Variants in DOCK6 observed in about 807,000 individuals in gnomAD.
The protein encoded by DOCK6 is dedicator of cytokinesis protein 6.
Under a neutral mutation model 230.3 loss-of-function variants are expected in DOCK6, and 167 were observed. The ratio of observed to expected loss-of-function variants is 0.73; its 90% CI spans 0.64 to 0.82. The LOEUF is 0.82. Ranked by LOEUF, DOCK6 falls within the 40% of genes least tolerant of loss-of-function variation. DOCK6 has a pLI of 0.00. For synonymous variants in DOCK6, 1,148 were observed against 1,185.0 expected, an observed-to-expected ratio of 0.97 and a Z score of 0.64; for missense variants, 2,598 against 2,825.8, an observed-to-expected ratio of 0.92 and a Z score of 1.83.
chr19:11,201,764 C>G lies in DOCK6; in HGVS notation c.5688+125G>C, dbSNP rs1600840173. 2 of 904,726 alleles carry G rather than the reference C, an allele frequency of 2.2e-6. No homozygotes were observed. The highest frequency in any genetic ancestry group is 5.3e-5 in the East Asian group (2 of 37,746). 56.0% of individuals were successfully genotyped at this position (904,726 alleles called of 1,614,324 possible). The stretch of plus-strand genomic sequence containing the variant: ...CTGGTCTAGGGTCCCTGTGCCACCC[C>G]TCTCTGGGTCTGAGGTCCGTGAACC... On this transcript the variant is annotated intron_variant, in intron 44 of 47. Coordinates refer to ENST00000294618, the MANE Select transcript of DOCK6 (RefSeq NM_020812.4). The surrounding 1 kb of genome is among the most constrained non-coding windows in gnomAD (Gnocchi z 4.3).
At chr19:11,199,586 C>T in intron 47 of DOCK6, 47 bp from the exon 48 acceptor site, 1 of 1,537,382 alleles carries the variant, frequency 6.5e-7, no homozygotes, top group Non-Finnish European at 8.8e-7. Flanking sequence ...GGGCCCCCAA[C>T]TCCATAGACC....
At chr19:11,255,307 CT>C (rs34628990) in intron 1 of DOCK6, among the ~76,000 whole-genome samples, 69,971 of 135,884 alleles carry the variant, frequency 0.51, 20,099 homozygotes, top group Middle Eastern at 0.67. Context: ...TCCCGGCCTA[CT>C]TTTTTTTTTT....
intron 1 of DOCK6, among the ~76,000 whole-genome samples, chr19:11,259,478 G>A (rs1165829281): frequency 6.6e-6 from 1 of 151,404 alleles, no homozygotes; most frequent in Non-Finnish European, 1.5e-5. Context: ...AAATTTCAGT[G>A]GTAACTTTGG....
At position 11,215,402 on chromosome 19, in the gene DOCK6, G is replaced by T; in HGVS notation, c.4091C>A (p.Ser1364Ter). 6.2e-7 allele frequency: 1 copy of T among 1,613,558 alleles called. No homozygotes were observed. The highest frequency in any genetic ancestry group is 8.5e-7 in the Non-Finnish European group (1 of 1,179,766). Reference protein sequence around the residue: ...RKSVTHWKQTSDRVDKTKDEM... With the variant: ...RKSVTHWKQT ...CCACACCTACTTGTCCACGCGGTCT[G>T]AGGTTTGCTTCCAGTGTGTGACGCT... The change falls in exon 32 of 48, where the codon TCA becomes TAA. Residue 1364 changes from serine (S) to a stop codon, truncating the protein, a stop_gained. Transcript: ENST00000294618. LOFTEE classifies it high-confidence loss of function.
At position 11,222,875 on chromosome 19, in the gene DOCK6, G is replaced by A. The variant is rs750251910; in HGVS notation, c.3100C>T (p.Pro1034Ser). ...VATRLQSSPN[P>S]AALLTLRMEF... ...ATGCGCAGGGTCAGCAGGGCTGCTGGATTAGGGGACGACTGGAGCCGCGTG... is the reference window on the plus strand; with the variant it reads ...ATGCGCAGGGTCAGCAGGGCTGCTGAATTAGGGGACGACTGGAGCCGCGTG... Residue 1034 changes from proline to serine, a missense_variant, in exon 26 of 48, where the codon CCA becomes TCA. Pro to Ser is a moderately conservative substitution (Grantham distance 74). Transcript: ENST00000294618. This position sits in a 1 kb window ranked among gnomAD's most constrained non-coding sequence, Gnocchi z 4.0. The A allele has an allele frequency of 7.5e-6, 12 of 1,607,652 alleles. No individual in the cohort carries two copies. Among genetic ancestry groups the A allele is most frequent in the Non-Finnish European group, 1.0e-5 (12 of 1,177,320 alleles).
At chr19:11,240,650 G>A (rs944930620) in intron 14 of DOCK6, among the ~76,000 whole-genome samples, 2 of 151,006 alleles carry the variant, frequency 1.3e-5, no homozygotes, top group African/African-American at 4.9e-5. Flanking sequence ...TGTGATCTTG[G>A]CTCACTGCAA....
At position 11,243,138 on chromosome 19, in the gene DOCK6, G is replaced by C; in HGVS notation, c.1401C>G (p.Leu467=). The C allele has an allele frequency of 6.2e-7, 1 of 1,613,942 alleles. No homozygotes were observed. The highest frequency in any genetic ancestry group is 8.5e-7 in the Non-Finnish European group (1 of 1,179,840). The change falls in exon 13 of 48, where the codon CTC becomes CTG. Residue 467 remains leucine (L), a synonymous_variant. Transcript: ENST00000294618. This position sits in a 1 kb window ranked among gnomAD's most constrained non-coding sequence, Gnocchi z 6.3. ...GGAACTTGAAGAGGTCCTCGTCACT[G>C]AGTCGCTCAGCCTCCTACATGGGAC... ...TNFFKQEAER[L]SDEDLFKFLA...
intron 37 of DOCK6, 48 bp downstream of exon 37, chr19:11,211,728 C>G: frequency 7.0e-7 from 1 of 1,421,872 alleles, no homozygotes. Context: ...TCTCCCTGCA[C>G]CTGTTGGGGC....
At chr19:11,240,370 C>T (rs2079924205) in intron 14 of DOCK6, 1 of 1,406,396 alleles carries the variant, frequency 7.1e-7, no homozygotes, top group Admixed American at 2.9e-5. Context: ...ACCTTGAGTC[C>T]CAAAGACCTC....
At chr19:11,204,435 C>G in intron 39 of DOCK6, 104 bp from the exon 40 acceptor site, 2 of 1,473,658 alleles carry the variant, frequency 1.4e-6, no homozygotes, top group Non-Finnish European at 1.8e-6. Context: ...TACCCACCCT[C>G]CATCACCTCC....
rs758594828 is a variant in DOCK6 at position 11,202,377 on chromosome 19, A to G, written c.5451+17T>C. The G allele has an allele frequency of 6.2e-7, 1 of 1,611,932 alleles. No homozygotes were observed. Among genetic ancestry groups the G allele is most frequent in the Non-Finnish European group, 8.5e-7 (1 of 1,178,992 alleles). ...TCTGTGAATCTAAGATTTTGGGGAA[A>G]TGGTTGGGGGACCCACCTTTTGTGA... On this transcript the variant is annotated intron_variant, in intron 43 of 47. Coordinates refer to ENST00000294618, the MANE Select transcript of DOCK6 (RefSeq NM_020812.4). This position sits in a 1 kb window ranked among gnomAD's most constrained non-coding sequence, Gnocchi z 5.3.
intron 32 of DOCK6, 59 bp downstream of exon 32, chr19:11,215,328 C>A: frequency 6.7e-7 from 1 of 1,492,956 alleles, no homozygotes; most frequent in Non-Finnish European, 9.3e-7. Flanking sequence ...CTCAAGCAAT[C>A]CTCCTGCCTC....
intron 21 of DOCK6, among the ~76,000 whole-genome samples, chr19:11,234,363 T>C (rs1359521148): frequency 1.4e-5 from 2 of 147,788 alleles, no homozygotes; most frequent in Non-Finnish European, 1.5e-5. Flanking sequence ...TGCCTCAGCC[T>C]CCCAAAGTTC....
In DOCK6 at chr19:11,200,551, C is replaced by T. The variant is rs1043741112; in HGVS notation, c.5940-82G>A. ...ACTAGGGGTGGGGGCACCCATAAGG[C>T]GGGACCAGGCCTGCAGAAAGACCCG... is the stretch of plus-strand genomic sequence containing the variant. On this transcript the variant is annotated intron_variant, in intron 46 of 47. Transcript: ENST00000294618. The surrounding 1 kb of genome is among the most constrained non-coding windows in gnomAD (Gnocchi z 4.3). 1.2e-5 allele frequency: 18 copies of T among 1,552,082 alleles called. No homozygotes were observed. The highest frequency in any genetic ancestry group is 3.8e-5 in the Admixed American group (2 of 52,278).
chr19:11,233,419 C>G (rs899570598), intron 21 of DOCK6, 53 bp from the exon 22 acceptor site: 1 of 1,575,034 alleles, frequency 6.3e-7, no homozygotes, highest in Non-Finnish European at 8.7e-7. Context: ...GTGATGCCTC[C>G]CAGTCCCTTC....
rs34853494 is a variant in DOCK6 at position 11,208,922 on chromosome 19, C to T, written c.4933G>A (p.Val1645Ile). ...CCCTGGCCACTCACCTGGAAGGAAA[C>T]GCAGCCCACGGGCAGGTGGCGGTGG... is the stretch of plus-strand genomic sequence containing the variant. ...EDHRHLPVGCVSFQNISSNVL... is the reference protein window; with the variant it reads ...EDHRHLPVGCISFQNISSNVL... Residue 1645 changes from valine to isoleucine, a missense_variant, in exon 38 of 48, where the codon GTT becomes ATT. Coordinates refer to ENST00000294618, the MANE Select transcript of DOCK6 (RefSeq NM_020812.4). The T allele has an allele frequency of 1.1e-3, 1,728 of 1,596,768 alleles. 17 individuals are homozygous for T. The African/African-American group carries it at 0.021, about 19-fold the overall frequency.
intron 24 of DOCK6, 78 bp downstream of exon 24, chr19:11,227,259 C>A: frequency 6.4e-7 from 1 of 1,567,362 alleles, no homozygotes; most frequent in Non-Finnish European, 8.7e-7. Flanking sequence ...AGACACTGGG[C>A]AGGATTGGCG....
intron 16 of DOCK6, 62 bp from the exon 17 acceptor site, chr19:11,237,841 C>T: frequency 1.3e-6 from 2 of 1,515,480 alleles, no homozygotes; most frequent in South Asian, 1.2e-5. Context: ...GCCCCATCAC[C>T]TCTGCCATGC....
intron 6 of DOCK6, among the ~76,000 whole-genome samples, chr19:11,248,625 C>T (rs1472017888): frequency 6.6e-6 from 1 of 152,030 alleles, no homozygotes; most frequent in Admixed American, 6.6e-5. Context: ...TTCGGGTGCC[C>T]ACAATGTCCT....
Sources: allele counts gnomAD v4.1 joint callset (sites outside exome capture counted in the v4.1 genomes callset), GRCh38; gene constraint gnomAD v4.1.1; non-coding constraint Gnocchi (gnomAD v3.1); transcripts MANE v1.5; gene names NCBI Gene and HGNC (gene_info 2026-07-23, HGNC 2026-07-21).